The following STK32B variants were observed in gnomAD, a reference collection of about 807,000 sequenced individuals.
STK32B encodes serine/threonine kinase 32B, also known as serine/threonine-protein kinase 32B.
Under a neutral mutation model 52.6 loss-of-function variants are expected in STK32B, and 43 were observed. That is an observed-to-expected ratio of 0.82 (90% confidence interval 0.64 to 1.05). The LOEUF is 1.05. Among genes scored for constraint, STK32B ranks in the 50% least tolerant of loss-of-function variants. STK32B has a pLI of 0.00. For missense variants in STK32B, 621 were observed against 534.6 expected (o/e 1.16, Z -1.59); for synonymous variants, 238 against 204.3 (o/e 1.17, Z -1.41).
intron 11 of STK32B, among the ~76,000 whole-genome samples, chr4:5,479,256 A>T (rs1219830339): frequency 6.6e-6 from 1 of 150,862 alleles, no homozygotes; most frequent in Non-Finnish European, 1.5e-5. Flanking sequence ...AGTAGCTGGG[A>T]TTACAGGCGC....
intron 11 of STK32B, among the ~76,000 whole-genome samples, chr4:5,494,051 T>A (rs1719982217): frequency 6.6e-6 from 1 of 152,198 alleles, no homozygotes; most frequent in South Asian, 2.1e-4. Flanking sequence ...AAAATGTATA[T>A]TCTGTTGATT....
At chr4:5,190,671 A>G (rs895576473) in intron 3 of STK32B, among the ~76,000 whole-genome samples, 2 of 152,146 alleles carry the variant, frequency 1.3e-5, no homozygotes, top group East Asian at 3.8e-4. Flanking sequence ...CAGAGCTATA[A>G]TTCAGAATTC....
chr4:5,030,486 G>A, the STK32B span, among the ~76,000 whole-genome samples: 1 of 152,192 alleles, frequency 6.6e-6, no homozygotes, highest in Non-Finnish European at 1.5e-5. Flanking sequence ...TGATAGTCTG[G>A]GTGCCTGGAA....
At chr4:5,401,583 C>A (rs1209427992) in intron 5 of STK32B, among the ~76,000 whole-genome samples, 1 of 152,120 alleles carries the variant, frequency 6.6e-6, no homozygotes, top group Non-Finnish European at 1.5e-5. Context: ...GATTTGAGGT[C>A]TCTGAGCCAG....
intron 3 of STK32B, among the ~76,000 whole-genome samples, chr4:5,298,398 C>G (rs1729344046): frequency 6.6e-6 from 1 of 152,162 alleles, no homozygotes; most frequent in Non-Finnish European, 1.5e-5. Flanking sequence ...CACCCCTTCC[C>G]CCTGGTGCTC....
At chr4:5,483,557 T>A (rs1001712570) in intron 11 of STK32B, among the ~76,000 whole-genome samples, 5 of 152,166 alleles carry the variant, frequency 3.3e-5, no homozygotes, top group African/African-American at 4.8e-5. Flanking sequence ...TTCATTGATT[T>A]TTTGAAGGTT....
chr4:5,331,950 G>A (rs893109716), intron 4 of STK32B, among the ~76,000 whole-genome samples: 8 of 152,144 alleles, frequency 5.3e-5, no homozygotes, highest in African/African-American at 1.9e-4. Flanking sequence ...TGCAGAAGCT[G>A]GAACTCAATG....
chr4:5,080,534 T>C lies in STK32B; in HGVS notation c.52+28619T>C, dbSNP rs571570249. Among the ~76,000 whole-genome samples, 5 of 152,326 alleles carry C rather than the reference T, an allele frequency of 3.3e-5. No homozygotes were observed. The South Asian group carries it at 8.3e-4, about 25-fold the overall frequency. ...TCTTCATTTCTCAGCTTTTCGCTCT[T>C]ACTGATATTTCACCTTGCACCTAGC... On this transcript the variant is annotated intron_variant, in intron 1 of 11. Coordinates refer to ENST00000282908, the MANE Select transcript of STK32B (RefSeq NM_018401.3).
intron 1 of STK32B, among the ~76,000 whole-genome samples, chr4:5,128,784 C>G (rs763892384): frequency 6.6e-6 from 1 of 152,194 alleles, no homozygotes; most frequent in Admixed American, 6.5e-5. Context: ...AGCTGAATCT[C>G]TCTCTGGCTG....
intron 2 of STK32B, among the ~76,000 whole-genome samples, chr4:5,155,207 C>G (rs952297444): frequency 6.6e-6 from 1 of 152,142 alleles, no homozygotes; most frequent in Non-Finnish European, 1.5e-5. Flanking sequence ...TGGCGCCTTC[C>G]CAGAATGCCC....
At chr4:5,054,720 A>G (rs1313276221) in intron 1 of STK32B, among the ~76,000 whole-genome samples, 2 of 152,238 alleles carry the variant, frequency 1.3e-5, no homozygotes, top group African/African-American at 4.8e-5. Flanking sequence ...CCCAAACCAT[A>G]GTCATTGCGT....
At position 5,408,632 on chromosome 4, in the gene STK32B, A is replaced by G. The variant is rs146591974; in HGVS notation, c.473-8213A>G. 7.0e-4 allele frequency among the ~76,000 whole-genome samples: 106 copies of G among 152,188 alleles called. 1 individual carries two copies. The highest frequency in any genetic ancestry group is 2.4e-3 in the African/African-American group (99 of 41,514). On this transcript the variant is annotated intron_variant, in intron 5 of 11. Coordinates refer to ENST00000282908, the MANE Select transcript of STK32B (RefSeq NM_018401.3). ...AAGTGAAGGACAATCCTTCCCTCCT[A>G]TATTGCTGCTAACACTAGGTCCGAT...
chr4:5,436,626 TG>T (rs1714104678), intron 6 of STK32B: 1 of 985,190 alleles, frequency 1.0e-6, no homozygotes, highest in South Asian at 4.7e-5. Context: ...CATCAGAACA[TG>T]AGCAGCATGT....
intron 1 of STK32B, among the ~76,000 whole-genome samples, chr4:5,090,370 CTTTTTTTTTTT>C (rs754643704): frequency 1.8e-5 from 1 of 56,544 alleles, no homozygotes; most frequent in Non-Finnish European, 3.6e-5. Flanking sequence ...TTTAATCCAT[CTTTTTTTTTTT>C]TTTTTTTTTT....
In STK32B at chr4:5,460,329, C is replaced by T. The variant is rs1716936979; in HGVS notation, c.909+101C>T. 6.7e-7 allele frequency: 1 copy of T among 1,490,780 alleles called. No individual in the cohort carries two copies. The highest frequency in any genetic ancestry group is 9.0e-7 in the Non-Finnish European group (1 of 1,112,798). The allele number at this position is 1,490,780 out of a possible 1,614,324, so 92.3% of individuals were successfully genotyped here. A position where few individuals can be genotyped will look rare whatever the true frequency, so the allele number is the denominator to read the frequency against. Reference sequence around the variant, plus strand: ...AGCTGGCTAGTGAGCCCTCTGCTGGCCACTTCCACCTGAGCACCAAGGGCT... The same window carrying T: ...AGCTGGCTAGTGAGCCCTCTGCTGGTCACTTCCACCTGAGCACCAAGGGCT... On this transcript the variant is annotated intron_variant, in intron 9 of 11. Transcript: ENST00000282908. The surrounding 1 kb of genome is among the most constrained non-coding windows in gnomAD (Gnocchi z 4.8).
chr4:5,301,478 C>T (rs907506700), intron 3 of STK32B, among the ~76,000 whole-genome samples: 2 of 151,550 alleles, frequency 1.3e-5, no homozygotes, highest in African/African-American at 4.8e-5. Context: ...TTCAGATTTT[C>T]TATTTCTTCT....
Position 5,398,294 on chromosome 4 carries a change from G to A in STK32B, c.472+50G>A. On this transcript the variant is annotated intron_variant, in intron 5 of 11. Coordinates refer to ENST00000282908, the MANE Select transcript of STK32B (RefSeq NM_018401.3). The surrounding 1 kb of genome is among the most constrained non-coding windows in gnomAD (Gnocchi z 4.9). ...AGGGACTCTCAGTGGAAAGTTTGAG[G>A]CACTGGGAAATAGTGCGGGGGTGGG... 6.2e-7 allele frequency: 1 copy of A among 1,608,622 alleles called. No individual in the cohort carries two copies. The highest frequency in any genetic ancestry group is 1.3e-5 in the African/African-American group (1 of 74,896).
chr4:5,438,970 T>G (rs1392561028), intron 6 of STK32B, among the ~76,000 whole-genome samples: 3 of 151,890 alleles, frequency 2.0e-5, no homozygotes, highest in African/African-American at 7.3e-5. Flanking sequence ...CCATGGTGTG[T>G]ATGTGCCACA....
intron 4 of STK32B, among the ~76,000 whole-genome samples, chr4:5,338,384 G>A (rs560252751): frequency 1.1e-4 from 17 of 152,290 alleles, no homozygotes; most frequent in African/African-American, 3.4e-4. Flanking sequence ...TTTTAAGTGC[G>A]ATGCTGTACT....
Sources: gnomAD v4.1 joint callset for allele counts (sites outside exome capture counted in the v4.1 genomes callset) on GRCh38, gnomAD v4.1.1 for gene constraint, Gnocchi (gnomAD v3.1) non-coding constraint, MANE v1.5 for transcripts, NCBI Gene and HGNC (gene_info 2026-07-23, HGNC 2026-07-21) for gene names.